Variants in STPG2 observed in about 807,000 individuals in gnomAD.
The protein encoded by STPG2 is sperm tail PG-rich repeat containing 2.
Under a neutral mutation model 54.2 loss-of-function variants are expected in STPG2, and 56 were observed. That is an observed-to-expected ratio of 1.03 (90% confidence interval 0.83 to 1.29). STPG2 has a LOEUF of 1.29. Ranked by LOEUF, STPG2 falls within the 50% of genes most tolerant of loss-of-function variation. STPG2 has a pLI of 0.00. For missense variants in STPG2, 596 were observed against 544.9 expected (o/e 1.09, Z -0.93); for synonymous variants, 200 against 181.8 (o/e 1.10, Z -0.81).
chr4:98,141,461 G>C (rs571344731), intron 1 of STPG2, among the ~76,000 whole-genome samples: 68 of 152,140 alleles, frequency 4.5e-4, no homozygotes, highest in Non-Finnish European at 5.4e-4. Flanking sequence ...AACAAAACTT[G>C]GTCTCCACAA....
chr4:97,937,374 C>A, intron 8 of STPG2, among the ~76,000 whole-genome samples: 1 of 152,178 alleles, frequency 6.6e-6, no homozygotes, highest in South Asian at 2.1e-4. Flanking sequence ...CTAAAGGCTA[C>A]TTCTGTAATT....
At chr4:97,996,590 A>AATAAAGATTAATAAATGGG (rs1233309561) in intron 5 of STPG2, among the ~76,000 whole-genome samples, 4 of 150,418 alleles carry the variant, frequency 2.7e-5, no homozygotes, top group African/African-American at 9.8e-5. Context: ...TTGCAACAAA[A>AATAAAGATTAATAAATGGG]ACAAAGAGCT....
At chr4:98,113,347 A>G (rs766468633) in intron 3 of STPG2, among the ~76,000 whole-genome samples, 2 of 152,102 alleles carry the variant, frequency 1.3e-5, no homozygotes, top group African/African-American at 2.4e-5. Context: ...GCAAAAGGCT[A>G]TATGTCCTCT....
rs548839247 is a variant in STPG2 at position 98,119,723 on chromosome 4, C to A, written c.387+8705G>T. Among the ~76,000 whole-genome samples, 36 of 151,746 alleles carry A rather than the reference C, an allele frequency of 2.4e-4. No homozygotes were observed. The Middle Eastern group carries it at 0.014, about 57-fold the overall frequency. On this transcript the variant is annotated intron_variant, in intron 3 of 10. Transcript: ENST00000295268. ...CCCCACATGCATTAGCTATTTTTTT[C>A]TGATGCTCTCCATCCCCCAAACCTA...
rs112925068 is a variant in STPG2, at chr4:98,044,731, G to A, written c.612+61222C>T. ...TCTATTGGGAAGAAAACAGTCCCAG[G>A]AATTAACAGATCAGAATGTTCACAC... On this transcript the variant is annotated intron_variant, in intron 5 of 10. Coordinates refer to ENST00000295268, the MANE Select transcript of STPG2 (RefSeq NM_174952.3). 8.8e-4 allele frequency among the ~76,000 whole-genome samples: 134 copies of A among 152,196 alleles called. 1 individual carries two copies. The highest frequency in any genetic ancestry group is 3.2e-3 in the African/African-American group (132 of 41,524).
intron 9 of STPG2, among the ~76,000 whole-genome samples, chr4:97,817,932 T>C (rs1727963590): frequency 6.6e-6 from 1 of 151,890 alleles, no homozygotes; most frequent in South Asian, 2.1e-4. Context: ...ATTATATATA[T>C]ATATATACTC....
chr4:97,903,086 G>A (rs1254877069), intron 8 of STPG2, among the ~76,000 whole-genome samples: 1 of 152,118 alleles, frequency 6.6e-6, no homozygotes, highest in Non-Finnish European at 1.5e-5. Flanking sequence ...TGAGATGGTG[G>A]TCAAAGGGTT....
chr4:97,887,014 G>T (rs1237207412), intron 8 of STPG2, among the ~76,000 whole-genome samples: 8 of 152,152 alleles, frequency 5.3e-5, no homozygotes, highest in Admixed American at 2.6e-4. Flanking sequence ...GTTTCCTGAG[G>T]CCTCCGCAGG....
chr4:97,738,766 G>A (rs918126858), intron 9 of STPG2, among the ~76,000 whole-genome samples: 1 of 152,066 alleles, frequency 6.6e-6, no homozygotes, highest in Admixed American at 6.6e-5. Context: ...AATAATGGGA[G>A]ACTTTAACAC....
chr4:97,799,123 T>C (rs1727294636), intron 9 of STPG2, among the ~76,000 whole-genome samples: 1 of 136,190 alleles, frequency 7.3e-6, no homozygotes, highest in Non-Finnish European at 1.5e-5. Flanking sequence ...CTGATGGGTC[T>C]TGACTCTTTA....
chr4:98,140,359 T>A (rs1023927248), intron 1 of STPG2, among the ~76,000 whole-genome samples: 8 of 152,144 alleles, frequency 5.3e-5, no homozygotes, highest in Admixed American at 5.2e-4. Context: ...GGATTTTTTT[T>A]TCACAAATAA....
At chr4:97,918,830 G>C (rs1024840393) in intron 8 of STPG2, among the ~76,000 whole-genome samples, 1 of 152,142 alleles carries the variant, frequency 6.6e-6, no homozygotes, top group Non-Finnish European at 1.5e-5. Context: ...GTGGGAGACA[G>C]GTGAGGGAAA....
intron 5 of STPG2, among the ~76,000 whole-genome samples, chr4:98,094,232 C>T (rs1205486721): frequency 6.6e-6 from 1 of 152,120 alleles, no homozygotes; most frequent in African/African-American, 2.4e-5. Flanking sequence ...CCATTCCAGG[C>T]CCTAGCTCCT....
intron 8 of STPG2, among the ~76,000 whole-genome samples, chr4:97,887,071 A>G (rs1388109931): frequency 6.6e-6 from 1 of 152,186 alleles, no homozygotes; most frequent in Non-Finnish European, 1.5e-5. Context: ...ACTGTGAGCC[A>G]ATTAAGCCTC....
rs980874415 is a variant in STPG2, at chr4:97,950,113, A to G, written c.934-6106T>C. ...TTCTTTTTAAAATATTTATCTCTTT[A>G]GAAATTTTTTCATTCATATCCTGAA... On this transcript the variant is annotated intron_variant, in intron 7 of 10. Coordinates refer to ENST00000295268, the MANE Select transcript of STPG2 (RefSeq NM_174952.3). Among the ~76,000 whole-genome samples the G allele has an allele frequency of 1.2e-4, 19 of 152,060 alleles. No homozygotes were observed. In the South Asian group the frequency reaches 2.1e-3, roughly 17 times the overall value.
At chr4:97,550,357 A>T (rs1186185048) in intron 4 of STPG2, among the ~76,000 whole-genome samples, 1 of 152,076 alleles carries the variant, frequency 6.6e-6, no homozygotes, top group African/African-American at 2.4e-5. Context: ...CTAACAAATA[A>T]GTGAAGAAAA....
intron 10 of STPG2, among the ~76,000 whole-genome samples, chr4:97,623,064 C>A (rs2174936): frequency 0.64 from 97,172 of 151,932 alleles, 31,425 homozygotes; most frequent in African/African-American, 0.73. Flanking sequence ...CTGGCTAGCC[C>A]TATGCAGGTT....
At chr4:97,957,163 AAT>A (rs1355666021) in intron 7 of STPG2, among the ~76,000 whole-genome samples, 6 of 82,756 alleles carry the variant, frequency 7.3e-5, no homozygotes, top group African/African-American at 1.8e-4. Flanking sequence ...ATATATATGA[AAT>A]ATATATGTGA....
chr4:98,114,753 ATTTTTTTTT>A (rs33980852), intron 3 of STPG2, among the ~76,000 whole-genome samples: 80 of 146,028 alleles, frequency 5.5e-4, no homozygotes, highest in African/African-American at 1.5e-3. Flanking sequence ...AATAATATCC[ATTTTTTTTT>A]TTTTGTGTGT....
Sources: gnomAD v4.1 joint callset for allele counts (sites outside exome capture counted in the v4.1 genomes callset) on GRCh38, gnomAD v4.1.1 for gene constraint, MANE v1.5 for transcripts, NCBI Gene and HGNC (gene_info 2026-07-23, HGNC 2026-07-21) for gene names.